DMD: variants seen among roughly 807,000 people sequenced by gnomAD.
The protein encoded by DMD is dystrophin, also known as mutant dystrophin.
Under a neutral mutation model 330.1 loss-of-function variants are expected in DMD, and 63 were observed. That is an observed-to-expected ratio of 0.19 (90% CI 0.16 to 0.24). The LOEUF is 0.24. Among genes scored for constraint, DMD ranks in the 10% least tolerant of loss-of-function variants. The pLI, the probability that DMD is intolerant of heterozygous loss-of-function variation, is 1.00. For missense variants in DMD, 3,344 were observed against 2,684.1 expected, an observed-to-expected ratio of 1.25 and a Z score of -5.43; for synonymous variants, 1,223 against 959.8, an observed-to-expected ratio of 1.27 and a Z score of -5.07.
chrX:31,478,957 G>C (rs369562721), intron 58 of DMD, 26 bp downstream of exon 58: 1 of 1,203,851 alleles, frequency 8.3e-7, no homozygotes, highest in African/African-American at 1.8e-5. Context: ...CTATCAATAT[G>C]TTATTATAGT....
intron 7 of DMD, among the ~76,000 whole-genome samples, chrX:32,743,979 T>G (rs372750050): frequency 2.7e-5 from 3 of 111,274 alleles, no homozygotes; most frequent in East Asian, 5.7e-4. Context: ...ATATAGAAAC[T>G]ATGCTAGGCA....
chrX:32,414,547 G>A (rs1245248230), intron 29 of DMD, among the ~76,000 whole-genome samples: 2 of 111,827 alleles, frequency 1.8e-5, no homozygotes, highest in East Asian at 2.8e-4. Flanking sequence ...CAAGGATTAC[G>A]GCTGTCCTGT....
At chrX:33,078,601 T>G (rs1263073340) in intron 1 of DMD, among the ~76,000 whole-genome samples, 1 of 112,042 alleles carries the variant, frequency 8.9e-6, no homozygotes, top group Non-Finnish European at 1.9e-5. Flanking sequence ...CACATTTAGA[T>G]GTTTTTTCCC....
At chrX:32,199,977 CA>C (rs1380320003) in intron 44 of DMD, among the ~76,000 whole-genome samples, 2 of 110,762 alleles carry the variant, frequency 1.8e-5, no homozygotes, top group Non-Finnish European at 3.8e-5. Context: ...GTTTCTACCT[CA>C]AAAACATAGC....
intron 9 of DMD, among the ~76,000 whole-genome samples, chrX:32,658,017 T>C (rs1444103627): frequency 8.9e-6 from 1 of 111,742 alleles, no homozygotes; most frequent in African/African-American, 3.2e-5. Context: ...AAACTTATTA[T>C]TTCAAATTGA....
chrX:32,945,469 C>CT (rs892062581), intron 2 of DMD, among the ~76,000 whole-genome samples: 2 of 110,919 alleles, frequency 1.8e-5, no homozygotes, highest in African/African-American at 6.5e-5. Flanking sequence ...AATAATTTGA[C>CT]TTTTTTCCCC....
chrX:33,191,045 A>T (rs2148792894), intron 1 of DMD, among the ~76,000 whole-genome samples: 1 of 73,084 alleles, frequency 1.4e-5, no homozygotes, highest in African/African-American at 4.5e-5. Context: ...CTGCCCTAGT[A>T]AGAAATCAGG....
In DMD at chrX:31,444,596, T is replaced by C; in HGVS notation, c.8969A>G (p.Glu2990Gly). ...ALRGEIAPLK[E>G]NVSHVNDLAR... is the part of the protein sequence containing the mutation. The stretch of plus-strand genomic sequence containing the variant: ...AAGGTCATTGACGTGGCTCACGTTC[T>C]CTTTCAGAGGCGCAATTTCTCCTCG... Residue 2990 changes from glutamate (E) to glycine (G), a missense_variant, in exon 60 of 79, where the codon GAG becomes GGG. Glu to Gly is a moderately conservative substitution (Grantham distance 98). Transcript: ENST00000357033. 8.3e-7 allele frequency: 1 copy of C among 1,211,824 alleles called. No homozygotes were observed. The highest frequency in any genetic ancestry group is 1.1e-6 in the Non-Finnish European group (1 of 895,559).
intron 41 of DMD, among the ~76,000 whole-genome samples, chrX:32,331,398 A>C (rs1190370029): frequency 9.0e-6 from 1 of 111,702 alleles, no homozygotes; most frequent in Non-Finnish European, 1.9e-5. Flanking sequence ...TATTTTTTTA[A>C]TTTTATCAGT....
intron 7 of DMD, among the ~76,000 whole-genome samples, chrX:32,738,264 T>C (rs933611542): frequency 9.0e-6 from 1 of 111,526 alleles, no homozygotes; most frequent in African/African-American, 3.3e-5. Flanking sequence ...GTGGGTCTTG[T>C]TGCTTTTAAA....
At chrX:32,426,333 A>G (rs2098212614) in intron 29 of DMD, among the ~76,000 whole-genome samples, 1 of 111,947 alleles carries the variant, frequency 8.9e-6, no homozygotes, top group Admixed American at 9.5e-5. Context: ...ATGAACACAC[A>G]TTTTTCACAA....
At chrX:31,789,879 TACAGAAA>T (rs1341703744) in intron 50 of DMD, among the ~76,000 whole-genome samples, 1 of 111,347 alleles carries the variant, frequency 9.0e-6, no homozygotes, top group Non-Finnish European at 1.9e-5. Flanking sequence ...TTTATCAAAC[TACAGAAA>T]ACAGAAAGGA....
chrX:32,054,830 G>GAGGGAAGGGA (rs1177908440), intron 44 of DMD, among the ~76,000 whole-genome samples: 2 of 91,396 alleles, frequency 2.2e-5, no homozygotes, highest in African/African-American at 8.0e-5. Context: ...TGAGAGAGGG[G>GAGGGAAGGGA]AGGGAAGGGA....
rs373854048 is a variant in DMD, at chrX:31,844,645, T to C, written c.7099-7826A>G. On this transcript the variant is annotated intron_variant, in intron 48 of 78. Coordinates refer to ENST00000357033, the MANE Select transcript of DMD (RefSeq NM_004006.3). ...ATGTCCATTTTAATGATATTGATTC[T>C]TCCTTTCCATTAACATGGAATGTTT... Among the ~76,000 whole-genome samples the C allele has an allele frequency of 2.7e-5, 3 of 112,013 alleles. No homozygotes were observed. In the East Asian group the frequency reaches 8.4e-4, roughly 31 times the overall value.
At chrX:31,624,448 A>C (rs1023114891) in intron 55 of DMD, among the ~76,000 whole-genome samples, 4 of 112,345 alleles carry the variant, frequency 3.6e-5, no homozygotes, top group African/African-American at 1.3e-4. Flanking sequence ...AATTATGATT[A>C]TTGCTGAGAG....
chrX:31,540,321 A>C (rs2147618405), intron 55 of DMD, among the ~76,000 whole-genome samples: 1 of 112,101 alleles, frequency 8.9e-6, no homozygotes, highest in Non-Finnish European at 1.9e-5. Flanking sequence ...TTAAACATAC[A>C]TGGTAATCAG....
In DMD at chrX:32,525,113, C is replaced by T. The variant is rs766584454; in HGVS notation, c.2169-6982G>A. 9.0e-5 allele frequency among the ~76,000 whole-genome samples: 10 copies of T among 111,573 alleles called. No homozygotes were observed. In the East Asian group the frequency reaches 2.8e-3, roughly 32 times the overall value. On this transcript the variant is annotated intron_variant, in intron 17 of 78. Coordinates refer to ENST00000357033, the MANE Select transcript of DMD (RefSeq NM_004006.3). ...ATGGGAAACAGGTGGACACTGAACC[C>T]AATTCTTACACAATTCAAGCTCTGA...
At chrX:32,330,681 C>G (rs1285946111) in intron 41 of DMD, among the ~76,000 whole-genome samples, 1 of 110,902 alleles carries the variant, frequency 9.0e-6, no homozygotes. Context: ...TATCAAATAT[C>G]ACGTCTTTTG....
At chrX:31,874,630 A>T (rs1042130189) in intron 48 of DMD, among the ~76,000 whole-genome samples, 1 of 111,192 alleles carries the variant, frequency 9.0e-6, no homozygotes, top group Non-Finnish European at 1.9e-5. Flanking sequence ...TATGACAACA[A>T]TGATGATGAT....
Sources: allele counts gnomAD v4.1 joint callset (sites outside exome capture counted in the v4.1 genomes callset), GRCh38; gene constraint gnomAD v4.1.1; transcripts MANE v1.5; gene names NCBI Gene and HGNC (gene_info 2026-07-23, HGNC 2026-07-21).